Variants in DHRSX observed in about 807,000 individuals in gnomAD.
The protein encoded by DHRSX is polyprenol dehydrogenase.
A neutral mutation model predicts 34.0 loss-of-function variants in DHRSX; 31 were observed. The ratio of observed to expected loss-of-function variants is 0.91; its 90% CI spans 0.69 to 1.23. The LOEUF (loss-of-function observed/expected upper bound fraction) is 1.23. DHRSX is among the 50% of genes most tolerant of loss of function. DHRSX has a pLI of 0.00. For missense variants in DHRSX, 414 were observed against 428.1 expected, an observed-to-expected ratio of 0.97 and a Z score of 0.29; for synonymous variants, 201 against 183.8, an observed-to-expected ratio of 1.09 and a Z score of -0.76.
chrX:2,272,806 C>G (rs938090415), intron 4 of DHRSX, among the ~76,000 whole-genome samples: 59 of 152,118 alleles, frequency 3.9e-4, no homozygotes, highest in Non-Finnish European at 7.6e-4. Context: ...CACAGGAGAC[C>G]CCCCAGGCAG....
chrX:2,387,056 T>C (rs771032136), intron 3 of DHRSX, among the ~76,000 whole-genome samples: 9 of 152,338 alleles, frequency 5.9e-5, no homozygotes, highest in African/African-American at 1.7e-4. Context: ...ATCTTCTGAA[T>C]ATTTTGGCTG....
intron 3 of DHRSX, among the ~76,000 whole-genome samples, chrX:2,335,450 G>GT (rs1556479365): frequency 1.3e-5 from 2 of 149,400 alleles, no homozygotes; most frequent in African/African-American, 4.9e-5. Context: ...ATTTTTTTGG[G>GT]GTGTGTGTGT....
intron 3 of DHRSX, among the ~76,000 whole-genome samples, chrX:2,355,499 C>T (rs1483956235): frequency 4.6e-5 from 5 of 109,358 alleles, no homozygotes; most frequent in Non-Finnish European, 6.9e-5. Flanking sequence ...GTGACAAGAG[C>T]GAGACCCCAT....
intron 3 of DHRSX, among the ~76,000 whole-genome samples, chrX:2,364,755 GATC>G (rs2042978147): frequency 1.3e-5 from 2 of 151,526 alleles, no homozygotes; most frequent in African/African-American, 2.4e-5. Flanking sequence ...ATCTATCTTT[GATC>G]ATTATATAGC....
chrX:2,492,350 G>A lies in DHRSX; in HGVS notation c.109+8467C>T, dbSNP rs1158238691. ...CACATGGAGACAGAGGCCGAGACTG[G>A]AGTGATGCGGCCACAAACCCAGAAC... On this transcript the variant is annotated intron_variant, in intron 1 of 6. Transcript: ENST00000334651. 5.3e-5 allele frequency among the ~76,000 whole-genome samples: 8 copies of A among 152,214 alleles called. No homozygotes were observed. The South Asian group carries it at 1.2e-3, about 24-fold the overall frequency.
intron 6 of DHRSX, among the ~76,000 whole-genome samples, chrX:2,225,533 GGA>G (rs1479423545): frequency 2.0e-5 from 3 of 152,198 alleles, no homozygotes; most frequent in African/African-American, 7.2e-5. Flanking sequence ...ATGAAACCAA[GGA>G]GAGAGGCCTC....
chrX:2,479,239 G>A (rs976659781), intron 1 of DHRSX, among the ~76,000 whole-genome samples: 4 of 151,484 alleles, frequency 2.6e-5, no homozygotes, highest in African/African-American at 7.3e-5. Context: ...CCCTAAGCAT[G>A]TGGCTAAGGG....
At chrX:2,315,144 G>C (rs1461308705) in intron 3 of DHRSX, among the ~76,000 whole-genome samples, 1 of 149,698 alleles carries the variant, frequency 6.7e-6, no homozygotes, top group African/African-American at 2.5e-5. Context: ...GGCAGCAAGA[G>C]TGAAACTCCG....
intron 1 of DHRSX, among the ~76,000 whole-genome samples, chrX:2,465,818 A>AAAAG (rs2044484892): frequency 6.9e-6 from 1 of 144,668 alleles, no homozygotes; most frequent in African/African-American, 2.8e-5. Flanking sequence ...GCAAAAAAAA[A>AAAAG]AAAAAAAAGA....
At chrX:2,437,696 AGAGTGTGTGT>A (rs1469742110) in intron 1 of DHRSX, among the ~76,000 whole-genome samples, 100 of 92,314 alleles carry the variant, frequency 1.1e-3, no homozygotes, top group Admixed American at 1.7e-3. Context: ...AGAGAGAGAG[AGAGTGTGTGT>A]GTGTGTGTGT....
intron 1 of DHRSX, among the ~76,000 whole-genome samples, chrX:2,437,022 G>A (rs911664500): frequency 6.6e-5 from 10 of 152,010 alleles, no homozygotes; most frequent in East Asian, 1.9e-4. Context: ...TTTTGAGACC[G>A]AGTCTCGCTC....
At chrX:2,411,555 A>C (rs1233703332) in intron 2 of DHRSX, among the ~76,000 whole-genome samples, 110 of 105,680 alleles carry the variant, frequency 1.0e-3, no homozygotes, top group African/African-American at 7.8e-3. Flanking sequence ...ACTCTGTCCC[A>C]AAAAAAAAAA....
intron 3 of DHRSX, among the ~76,000 whole-genome samples, chrX:2,382,628 CACCATCA>C (rs1370245726): frequency 0.054 from 7,878 of 145,626 alleles, 407 homozygotes; most frequent in African/African-American, 0.16. Flanking sequence ...CCACCATCAT[CACCATCA>C]TCACCATCAC....
chrX:2,292,943 AT>A (rs1282802885), intron 3 of DHRSX, among the ~76,000 whole-genome samples: 1 of 152,120 alleles, frequency 6.6e-6, no homozygotes, highest in African/African-American at 2.4e-5. Flanking sequence ...AAAGCATTTT[AT>A]TTTTTATTAC....
At position 2,285,553 on chromosome X, in the gene DHRSX, T is replaced by G. The variant is rs183464579; in HGVS notation, c.388+5949A>C. Among the ~76,000 whole-genome samples the G allele has an allele frequency of 3.4e-4, 51 of 151,622 alleles. 3 individuals are homozygous for G. In the East Asian group the frequency reaches 9.8e-3, roughly 29 times the overall value. On this transcript the variant is annotated intron_variant, in intron 4 of 6. Coordinates refer to ENST00000334651, the MANE Select transcript of DHRSX (RefSeq NM_145177.3). ...GAGTGGCTGTAAATACAGATGAAGC[T>G]TTGCTTGTTCACTTGCCACTCACCT...
intron 3 of DHRSX, among the ~76,000 whole-genome samples, chrX:2,304,204 A>AATGGATGGATGGATGGATGG (rs374906907): frequency 1.6e-5 from 1 of 62,048 alleles, no homozygotes; most frequent in East Asian, 6.8e-4. Context: ...TGGATGGATA[A>AATGGATGGATGGATGGATGG]ATGGATGGAT....
chrX:2,328,063 G>C (rs2042409353), intron 3 of DHRSX, among the ~76,000 whole-genome samples: 1 of 113,624 alleles, frequency 8.8e-6, no homozygotes, highest in South Asian at 2.8e-4. Context: ...CTGGGCGACA[G>C]AGCGAGACTC....
rs775349703 is a variant in DHRSX at position 2,486,158 on chromosome X, T to G, written c.109+14659A>C. 2.6e-5 allele frequency among the ~76,000 whole-genome samples: 4 copies of G among 152,206 alleles called. No individual in the cohort carries two copies. The South Asian group carries it at 8.3e-4, about 32-fold the overall frequency. The stretch of plus-strand genomic sequence containing the variant: ...AAGTGAAGGAACCGGCAAAAATCTC[T>G]GCTCCCGGGGAACACTTTCACCAGC... On this transcript the variant is annotated intron_variant, in intron 1 of 6. Transcript: ENST00000334651.
chrX:2,311,602 A>G lies in DHRSX; in HGVS notation c.287-19999T>C, dbSNP rs190017192. Among the ~76,000 whole-genome samples the G allele has an allele frequency of 7.9e-3, 1,208 of 152,282 alleles. 14 individuals carry two copies. The highest frequency in any genetic ancestry group is 0.027 in the African/African-American group (1,139 of 41,558). On this transcript the variant is annotated intron_variant, in intron 3 of 6. Coordinates refer to ENST00000334651, the MANE Select transcript of DHRSX (RefSeq NM_145177.3). Reference sequence around the variant, plus strand: ...AGCAGATGCCCCAAAGAGCTTGTGTAAGTAAAGAGGAAAGAAAGGCTTTCG... The same window carrying G: ...AGCAGATGCCCCAAAGAGCTTGTGTGAGTAAAGAGGAAAGAAAGGCTTTCG...
Sources: allele counts gnomAD v4.1 joint callset (sites outside exome capture counted in the v4.1 genomes callset), GRCh38; gene constraint gnomAD v4.1.1; transcripts MANE v1.5; gene names NCBI Gene and HGNC (gene_info 2026-07-23, HGNC 2026-07-21).